The following EGFLAM variants were observed in gnomAD, a reference collection of about 807,000 sequenced individuals.
EGFLAM encodes the protein pikachurin.
Under a neutral mutation model 113.1 loss-of-function variants are expected in EGFLAM, and 79 were observed. The ratio of observed to expected loss-of-function variants is 0.70; its 90% CI spans 0.58 to 0.84. EGFLAM has a LOEUF of 0.84. Ranked by LOEUF, EGFLAM falls within the 40% of genes least tolerant of loss-of-function variation. The probability of loss-of-function intolerance (pLI) is 0.00; values close to 1 mark genes in which losing one functional copy is unlikely to be tolerated. For missense variants in EGFLAM, 1,265 were observed against 1,291.6 expected (o/e 0.98, Z 0.32); for synonymous variants, 504 against 487.6 (o/e 1.03, Z -0.44).
At chr5:38,294,622 C>T (rs571758401) in intron 1 of EGFLAM, among the ~76,000 whole-genome samples, 1 of 151,932 alleles carries the variant, frequency 6.6e-6, no homozygotes, top group Admixed American at 6.6e-5. Context: ...ATGATGGTCA[C>T]AGGGTGATGC....
intron 1 of EGFLAM, among the ~76,000 whole-genome samples, chr5:38,312,644 T>C (rs1738486527): frequency 6.6e-6 from 1 of 152,242 alleles, no homozygotes. Flanking sequence ...TTAGATGTTA[T>C]TCTTCTGCCT....
At chr5:38,404,559 C>T (rs1189119769) in intron 6 of EGFLAM, among the ~76,000 whole-genome samples, 4 of 152,188 alleles carry the variant, frequency 2.6e-5, no homozygotes, top group Non-Finnish European at 1.5e-5. Flanking sequence ...GTTTGTCTTC[C>T]TGAGAATGGT....
At chr5:38,421,902 A>G (rs1481390414) in intron 12 of EGFLAM, among the ~76,000 whole-genome samples, 3 of 152,138 alleles carry the variant, frequency 2.0e-5, no homozygotes, top group East Asian at 1.9e-4. Context: ...TTGTGATTTG[A>G]GAAGATCTTC....
intron 6 of EGFLAM, among the ~76,000 whole-genome samples, chr5:38,399,089 C>T (rs912327262): frequency 6.6e-6 from 1 of 152,130 alleles, no homozygotes; most frequent in African/African-American, 2.4e-5. Flanking sequence ...TTGCAAACTC[C>T]CTTCTGTCCA....
intron 12 of EGFLAM, among the ~76,000 whole-genome samples, chr5:38,419,253 C>A (rs551385817): frequency 6.6e-6 from 1 of 152,296 alleles, no homozygotes; most frequent in South Asian, 2.1e-4. Context: ...ATTAGGACTT[C>A]AACTGTGAAT....
intron 5 of EGFLAM, among the ~76,000 whole-genome samples, chr5:38,355,736 A>G (rs1739746912): frequency 6.6e-6 from 1 of 152,168 alleles, no homozygotes; most frequent in South Asian, 2.1e-4. Flanking sequence ...GCTGTCTAAT[A>G]TCTAAGGGGC....
In EGFLAM at chr5:38,352,318, G is replaced by C. The variant is rs1739649459; in HGVS notation, c.532G>C (p.Val178Leu). ...EGSAPIQYYSVEFIRPDFDKK... is the reference protein window; with the variant it reads ...EGSAPIQYYSLEFIRPDFDKK... ...AAGCGCCCCTATTCAGTACTATTCT[G>C]TGGAATTCATCAGGTAAGTCTGTAT... The change falls in exon 5 of 22, where the codon GTG (valine) becomes CTG (leucine). Residue 178 changes from valine (V) to leucine (L), a missense_variant. Transcript: ENST00000322350. 6.2e-7 allele frequency: 1 copy of C among 1,613,914 alleles called. No homozygotes were observed. The highest frequency in any genetic ancestry group is 8.5e-7 in the Non-Finnish European group (1 of 1,179,916).
At chr5:38,381,522 C>T (rs1026881180) in intron 6 of EGFLAM, among the ~76,000 whole-genome samples, 3 of 151,986 alleles carry the variant, frequency 2.0e-5, no homozygotes, top group Non-Finnish European at 4.4e-5. Flanking sequence ...GCTCCTGGCA[C>T]GAAATAGAGG....
At chr5:38,359,409 G>T (rs114989719) in intron 5 of EGFLAM, among the ~76,000 whole-genome samples, 3,262 of 152,310 alleles carry the variant, frequency 0.021, 55 homozygotes, top group Non-Finnish European at 0.035. Flanking sequence ...GCGCGCAGTG[G>T]CTCACGCCTG....
intron 1 of EGFLAM, among the ~76,000 whole-genome samples, chr5:38,268,975 G>A: frequency 6.6e-6 from 1 of 152,150 alleles, no homozygotes; most frequent in East Asian, 1.9e-4. Flanking sequence ...CCAGGAGTTT[G>A]AGACCAGCCT....
intron 1 of EGFLAM, among the ~76,000 whole-genome samples, chr5:38,278,488 T>C (rs1314480704): frequency 6.6e-6 from 1 of 151,526 alleles, no homozygotes; most frequent in Non-Finnish European, 1.5e-5. Context: ...ATCTGGTCAA[T>C]GATTTTTTTT....
At chr5:38,402,093 G>A (rs1053997553) in intron 6 of EGFLAM, 1 of 152,224 alleles carries the variant, frequency 6.6e-6, no homozygotes. Context: ...TGTGTGTAAG[G>A]AGATAGGAGT....
intron 18 of EGFLAM, 31 bp from the exon 19 acceptor site, chr5:38,451,284 T>G: frequency 4.4e-6 from 7 of 1,601,700 alleles, no homozygotes; most frequent in Middle Eastern, 1.7e-4. Flanking sequence ...TGGTGGTTGA[T>G]TTGGTGGACT....
intron 3 of EGFLAM, among the ~76,000 whole-genome samples, chr5:38,339,998 GTATCCCCAGCCACCCC>G (rs1387285361): frequency 6.6e-6 from 1 of 152,148 alleles, no homozygotes; most frequent in Non-Finnish European, 1.5e-5. Flanking sequence ...GTCCCTAGTA[GTATCCCCAGCCACCCC>G]AGCCTGGTGT....
chr5:38,281,090 A>G lies in EGFLAM; in HGVS notation c.97+22239A>G, dbSNP rs1322916229. Among the ~76,000 whole-genome samples, 4 of 152,202 alleles carry G rather than the reference A, an allele frequency of 2.6e-5. No homozygotes were observed. The East Asian group carries it at 7.7e-4, about 29-fold the overall frequency. ...ATGATTGCAGTGGTTTCCAGGACTC[A>G]ATAGAAGTTCTATGAATAAGTTCTA... On this transcript the variant is annotated intron_variant, in intron 1 of 21. Transcript: ENST00000322350.
chr5:38,412,669 C>G, intron 11 of EGFLAM, 21 bp downstream of exon 11: 1 of 1,610,674 alleles, frequency 6.2e-7, no homozygotes, highest in Admixed American at 1.7e-5. Context: ...GCCCCACACC[C>G]TGCCCACCCC....
At chr5:38,396,440 G>T (rs933746199) in intron 6 of EGFLAM, among the ~76,000 whole-genome samples, 4 of 152,088 alleles carry the variant, frequency 2.6e-5, no homozygotes, top group African/African-American at 4.8e-5. Context: ...TTATAACTGG[G>T]GTCTTTCAAC....
chr5:38,349,849 A>T (rs928136844), intron 3 of EGFLAM, among the ~76,000 whole-genome samples: 2 of 144,200 alleles, frequency 1.4e-5, no homozygotes, highest in Admixed American at 1.4e-4. Flanking sequence ...ATACTGTTTA[A>T]AATTTGAGAA....
chr5:38,400,904 T>G (rs146968869), intron 6 of EGFLAM, among the ~76,000 whole-genome samples: 1 of 152,186 alleles, frequency 6.6e-6, no homozygotes, highest in African/African-American at 2.4e-5. Flanking sequence ...GGTCTCTCTA[T>G]GAAAGTTAAA....
Sources: gnomAD v4.1 joint callset for allele counts (sites outside exome capture counted in the v4.1 genomes callset) on GRCh38, gnomAD v4.1.1 for gene constraint, MANE v1.5 for transcripts, NCBI Gene and HGNC (gene_info 2026-07-23, HGNC 2026-07-21) for gene names.